PDXDC1: variants seen among roughly 807,000 people sequenced by gnomAD.
The protein encoded by PDXDC1 is pyridoxal dependent decarboxylase domain containing 1.
A neutral mutation model predicts 100.1 loss-of-function variants in PDXDC1; 42 were observed. The observed-to-expected ratio is 0.42, with a 90% CI of 0.33 to 0.54. The LOEUF (loss-of-function observed/expected upper bound fraction) is 0.54. Ranked by LOEUF, PDXDC1 falls within the 20% of genes least tolerant of loss-of-function variation. PDXDC1 has a pLI of 0.10. For missense variants in PDXDC1, 636 were observed against 979.2 expected (o/e 0.65, Z 4.68); for synonymous variants, 260 against 371.7 (o/e 0.70, Z 3.46).
chr16:15,026,599 G>A, intron 13 of PDXDC1, 44 bp from the exon 14 acceptor site: 1 of 1,525,608 alleles, frequency 6.6e-7, no homozygotes, highest in South Asian at 1.2e-5. Flanking sequence ...GAAGGCGTCT[G>A]GAGTTTAATG....
chr16:15,035,968 G>C (rs112577623), intron 22 of PDXDC1, 48 bp from the exon 23 acceptor site: 2 of 1,560,432 alleles, frequency 1.3e-6, no homozygotes, highest in Non-Finnish European at 1.7e-6. Context: ...CTGTGTTGCA[G>C]AAGTATCCTC....
At position 15,130,686 on chromosome 16, in the gene PDXDC1, T is replaced by C. The variant is rs1186582243; in HGVS notation, c.1400-8193T>C. 8.4e-6 allele frequency: 12 copies of C among 1,436,078 alleles called. No individual in the cohort carries two copies. In the Middle Eastern group the frequency reaches 9.8e-4, roughly 117 times the overall value. 89.0% of individuals were successfully genotyped at this position (1,436,078 alleles called of 1,614,324 possible). A position where few individuals can be genotyped will look rare whatever the true frequency, so the allele number is the denominator to read the frequency against. On this transcript the variant is annotated intron_variant, in intron 16 of 16. Coordinates refer to the PDXDC1 transcript ENST00000535621. ...CCGGTGGTCGGCACCCTGGAGGGAC[T>C]CTGGGCGGATCCTCCTGCTAGCCGA...
chr16:15,136,142 G>A lies in PDXDC1; in HGVS notation c.1400-2737G>A, dbSNP rs563549825. The A allele has an allele frequency of 1.6e-5, 23 of 1,404,704 alleles. No individual in the cohort carries two copies. In the Admixed American group the frequency reaches 3.5e-4, roughly 21 times the overall value. 87.0% of individuals were successfully genotyped at this position (1,404,704 alleles called of 1,614,324 possible). A position where few individuals can be genotyped will look rare whatever the true frequency, so the allele number is the denominator to read the frequency against. On this transcript the variant is annotated intron_variant, in intron 16 of 16. Coordinates refer to the PDXDC1 transcript ENST00000535621. ...CACACGTCTAGGCTCCTGGGGGCGG[G>A]TGTGGGATGCCAGGGGGCTCAGGGC...
intron 16 of PDXDC1, among the ~76,000 whole-genome samples, chr16:15,058,673 T>C (rs1051173810): frequency 2.6e-5 from 4 of 151,858 alleles, no homozygotes; most frequent in African/African-American, 9.7e-5. Flanking sequence ...GTTGCAGTTG[T>C]TGAGCTGTGA....
intron 16 of PDXDC1, among the ~76,000 whole-genome samples, chr16:15,077,269 G>A (rs1334228385): frequency 1.8e-4 from 27 of 152,192 alleles, no homozygotes; most frequent in South Asian, 4.1e-4. Context: ...ATGAGCCACC[G>A]CGCCTGGCCC....
intron 16 of PDXDC1, chr16:15,127,730 C>T (rs1291489742): frequency 1.2e-5 from 18 of 1,523,538 alleles, no homozygotes; most frequent in Non-Finnish European, 1.3e-5. Flanking sequence ...ACGGCGTTGG[C>T]GCCCAGGAAG....
chr16:15,111,174 G>C (rs145448693), intron 16 of PDXDC1, among the ~76,000 whole-genome samples: 5 of 148,616 alleles, frequency 3.4e-5, no homozygotes, highest in Non-Finnish European at 6.0e-5. Flanking sequence ...CAAGAATGAC[G>C]AGGCTGGCAT....
Position 15,031,701 on chromosome 16 carries a change from G to T in PDXDC1, c.1400-34G>T, listed in dbSNP as rs184908891. 1.5e-5 allele frequency: 23 copies of T among 1,585,582 alleles called. No homozygotes were observed. The African/African-American group carries it at 1.7e-4, about 12-fold the overall frequency. On this transcript the variant is annotated intron_variant, in intron 16 of 22. Coordinates refer to ENST00000396410, the MANE Select transcript of PDXDC1 (RefSeq NM_015027.4). ...CTGCCCTCTTGTCATTGGCCATCTC[G>T]TGAGCATTTCTCTGACATTGTGAAC...
chr16:15,019,280 C>T (rs531630766), intron 12 of PDXDC1, among the ~76,000 whole-genome samples: 20 of 152,352 alleles, frequency 1.3e-4, no homozygotes, highest in Admixed American at 9.1e-4. Flanking sequence ...GGGTGGGGAG[C>T]GAGTGTTCCC....
intron 16 of PDXDC1, chr16:15,061,203 C>G (rs1400318380): frequency 6.6e-6 from 1 of 152,286 alleles, no homozygotes; most frequent in Non-Finnish European, 1.5e-5. Context: ...TTCCTTCTGT[C>G]TTCTCTACAC....
chr16:15,057,596 A>C (rs1265459188), intron 16 of PDXDC1, among the ~76,000 whole-genome samples: 1 of 152,232 alleles, frequency 6.6e-6, no homozygotes, highest in African/African-American at 2.4e-5. Context: ...GGAAGCTCGG[A>C]GCTAAAAACA....
At chr16:15,104,314 C>T (rs2046681744) in intron 16 of PDXDC1, 3 of 1,507,846 alleles carry the variant, frequency 2.0e-6, no homozygotes, top group Non-Finnish European at 1.8e-6. Flanking sequence ...CTGCAGTATT[C>T]ATTTTATTTT....
chr16:15,150,236 G>A, the PDXDC1 span, among the ~76,000 whole-genome samples: 1 of 152,070 alleles, frequency 6.6e-6, no homozygotes, highest in South Asian at 2.1e-4. Context: ...GGCTACTCAG[G>A]AGGCTGAGGC....
chr16:15,034,025 T>G, intron 19 of PDXDC1: 1 of 564,912 alleles, frequency 1.8e-6, no homozygotes. Flanking sequence ...CTCCTTAAGG[T>G]TTCTTTCCAG....
intron 19 of PDXDC1, among the ~76,000 whole-genome samples, chr16:15,033,802 C>A (rs1954747750): frequency 6.6e-6 from 1 of 152,204 alleles, no homozygotes; most frequent in Non-Finnish European, 1.5e-5. Flanking sequence ...CCCTATAGCA[C>A]TTCCCACCAG....
rs1347619738 is a variant in PDXDC1, at chr16:15,046,318, A to C, written c.1399+16262A>C. ...CGTATATGATGGGAGTAGTTCACTC[A>C]ATGGCTGCCTTAGACTTCCAGTAAA... is the stretch of plus-strand genomic sequence containing the variant. On this transcript the variant is annotated intron_variant, in intron 16 of 16. Coordinates refer to the PDXDC1 transcript ENST00000535621. 2.0e-5 allele frequency among the ~76,000 whole-genome samples: 3 copies of C among 152,192 alleles called. No individual in the cohort carries two copies. The East Asian group carries it at 5.8e-4, about 29-fold the overall frequency.
At chr16:15,026,256 T>C (rs1284423565) in intron 13 of PDXDC1, 1 of 256,934 alleles carries the variant, frequency 3.9e-6, no homozygotes, top group African/African-American at 2.2e-5. Context: ...CGTTTAAGTT[T>C]CAATAAATCC....
intron 16 of PDXDC1, among the ~76,000 whole-genome samples, chr16:15,067,514 C>A (rs976078875): frequency 1.5e-5 from 2 of 136,516 alleles, no homozygotes; most frequent in African/African-American, 5.2e-5. Context: ...AGCTACCAGA[C>A]CTGAGAGAAC....
Position 15,080,972 on chromosome 16 carries a change from T to C in PDXDC1, c.1399+50916T>C, listed in dbSNP as rs558749639. 9.2e-5 allele frequency among the ~76,000 whole-genome samples: 14 copies of C among 152,340 alleles called. 1 individual carries two copies. In the South Asian group the frequency reaches 2.9e-3, roughly 32 times the overall value. On this transcript the variant is annotated intron_variant, in intron 16 of 16. Coordinates refer to the PDXDC1 transcript ENST00000535621. The stretch of plus-strand genomic sequence containing the variant: ...TTTAGGGTTCAATCATGTTGTAACA[T>C]GTAAACCATTCCTTTCATATCAATG...
Sources: gnomAD v4.1 joint callset for allele counts (sites outside exome capture counted in the v4.1 genomes callset) on GRCh38, gnomAD v4.1.1 for gene constraint, MANE v1.5 for transcripts, NCBI Gene and HGNC (gene_info 2026-07-23, HGNC 2026-07-21) for gene names.